The following SECISBP2 variants were observed in gnomAD, a reference collection of about 807,000 sequenced individuals.
SECISBP2 encodes selenocysteine insertion sequence-binding protein 2.
A neutral mutation model predicts 98.2 loss-of-function variants in SECISBP2; 96 were observed. The ratio of observed to expected loss-of-function variants is 0.98; its 90% CI spans 0.83 to 1.16. SECISBP2 has a LOEUF of 1.16. SECISBP2 is among the 50% of genes most tolerant of loss of function. The pLI, the probability that SECISBP2 is intolerant of heterozygous loss-of-function variation, is 0.00. For missense variants in SECISBP2, 1,046 were observed against 1,022.9 expected, an observed-to-expected ratio of 1.02 and a Z score of -0.31; for synonymous variants, 407 against 370.2, an observed-to-expected ratio of 1.10 and a Z score of -1.14.
rs62638731 is a variant in SECISBP2, at chr9:89,358,046, G to T, written c.2316G>T (p.Ala772=). 1.2e-6 allele frequency: 2 copies of T among 1,613,610 alleles called. No homozygotes were observed. The highest frequency in any genetic ancestry group is 1.1e-5 in the South Asian group (1 of 90,982). Residue 772 remains alanine, a synonymous_variant, in exon 16 of 17, where the codon GCG becomes GCT. Transcript: ENST00000375807. Reference sequence around the variant, plus strand: ...AGCTGACAGTGGCGGCCCGACAGGCGTACAAGACCATGCTGGAGAATGTGC... The same window carrying T: ...AGCTGACAGTGGCGGCCCGACAGGCTTACAAGACCATGCTGGAGAATGTGC... The part of the protein sequence containing the change: ...MVELTVAARQ[A]YKTMLENVQQ...
In SECISBP2 at chr9:89,328,745, A is replaced by C. The variant is rs1394205814; in HGVS notation, c.660A>C (p.Thr220=). 1 of 1,614,216 alleles carries C rather than the reference A, an allele frequency of 6.2e-7. No individual in the cohort carries two copies. Among genetic ancestry groups the C allele is most frequent in the South Asian group, 1.1e-5 (1 of 91,084 alleles). ...STSKPEFEFT[T]LDFPELQGAE... The stretch of plus-strand genomic sequence containing the variant: ...CCAAACCTGAGTTTGAATTTACCAC[A>C]CTGGACTTTCCTGAACTGCAAGGTG... The change falls in exon 5 of 17, where the codon ACA becomes ACC. Residue 220 remains threonine, a synonymous_variant. Transcript: ENST00000375807.
At chr9:89,318,637 G>C (rs1369015676) in intron 1 of SECISBP2, 25 bp downstream of exon 1, 15 of 1,414,894 alleles carry the variant, frequency 1.1e-5, no homozygotes, top group Non-Finnish European at 1.3e-5. Flanking sequence ...GGGCTCTCTC[G>C]GCAGCCTCAG....
At chr9:89,326,996 A>G (rs1020545522) in intron 4 of SECISBP2, among the ~76,000 whole-genome samples, 3 of 152,138 alleles carry the variant, frequency 2.0e-5, no homozygotes, top group Non-Finnish European at 4.4e-5. Context: ...CCCCGTCTCA[A>G]CTGAAAATAC....
chr9:89,337,192 A>T (rs930562056), intron 7 of SECISBP2, among the ~76,000 whole-genome samples: 3 of 152,208 alleles, frequency 2.0e-5, no homozygotes, highest in African/African-American at 7.2e-5. Context: ...GATCTTTTTT[A>T]AAAATTTTCT....
chr9:89,349,138 CTA>C (rs1464313689), intron 12 of SECISBP2, among the ~76,000 whole-genome samples: 1 of 152,206 alleles, frequency 6.6e-6, no homozygotes, highest in Non-Finnish European at 1.5e-5. Flanking sequence ...CCACGGGGCA[CTA>C]TGTTTTTCAA....
chr9:89,331,656 A>G (rs1827776715), intron 5 of SECISBP2, among the ~76,000 whole-genome samples: 1 of 152,224 alleles, frequency 6.6e-6, no homozygotes, highest in Non-Finnish European at 1.5e-5. Flanking sequence ...CACAGGGCAT[A>G]CATTGCAGGC....
chr9:89,341,567 T>G, intron 10 of SECISBP2, 88 bp downstream of exon 10: 1 of 1,482,758 alleles, frequency 6.7e-7, no homozygotes, highest in South Asian at 1.1e-5. Flanking sequence ...TTATCAAAAG[T>G]TATTTATAGA....
At chr9:89,364,048 G>GGACC, downstream of SECISBP2, 1 of 1,605,420 alleles carries the variant, frequency 6.2e-7, no homozygotes, top group Non-Finnish European at 8.5e-7. Flanking sequence ...TGTCCCAGTT[G>GGACC]GACCTGAAGT....
At chr9:89,353,072 A>G (rs1224089459) in intron 14 of SECISBP2, among the ~76,000 whole-genome samples, 2 of 152,174 alleles carry the variant, frequency 1.3e-5, no homozygotes. Context: ...GCTGCTGTTC[A>G]AGGCTGTGAG....
At chr9:89,327,765 C>T (rs1348964937) in intron 4 of SECISBP2, among the ~76,000 whole-genome samples, 2 of 151,968 alleles carry the variant, frequency 1.3e-5, no homozygotes, top group East Asian at 1.9e-4. Flanking sequence ...TCCTGAGGGA[C>T]CTGCCTGAAG....
chr9:89,328,825 C>G lies in SECISBP2; in HGVS notation c.740C>G (p.Ser247Cys). ...CAACCCAAGTGGGGACCTGTCCACT[C>G]TGTCTCTACCGACATTTCTCTTCTA... ...QKQPKWGPVH[S>C]VSTDISLLRE... Residue 247 changes from serine (S) to cysteine (C), a missense_variant, in exon 5 of 17, where the codon TCT (serine) becomes TGT (cysteine). Physicochemically the swap from Ser to Cys is moderately radical, Grantham distance 112 (BLOSUM62 -1). Transcript: ENST00000375807. 1 of 1,614,220 alleles carries G rather than the reference C, an allele frequency of 6.2e-7. No homozygotes were observed. The highest frequency in any genetic ancestry group is 8.5e-7 in the Non-Finnish European group (1 of 1,180,018).
downstream of SECISBP2, chr9:89,363,434 G>T (rs772816288): frequency 2.3e-5 from 37 of 1,612,732 alleles, no homozygotes; most frequent in South Asian, 2.5e-4. Flanking sequence ...ACTTACCCAC[G>T]CCTTCCTCCA....
chr9:89,360,325 G>GGTAA (rs1179848139), downstream of SECISBP2, among the ~76,000 whole-genome samples: 1 of 152,024 alleles, frequency 6.6e-6, no homozygotes, highest in East Asian at 1.9e-4. Context: ...AGCAAGTTGT[G>GGTAA]GTAAGTTTGA....
chr9:89,355,513 T>C, intron 14 of SECISBP2: 1 of 967,266 alleles, frequency 1.0e-6, no homozygotes, highest in Non-Finnish European at 1.2e-6. Context: ...TCTTTTAGAT[T>C]GATTTGTACC....
intron 5 of SECISBP2, among the ~76,000 whole-genome samples, chr9:89,331,879 C>T (rs1042726451): frequency 4.0e-5 from 6 of 151,816 alleles, no homozygotes; most frequent in African/African-American, 9.7e-5. Flanking sequence ...TATGGGAATC[C>T]GTATAAAAAT....
intron 14 of SECISBP2, 145 bp from the exon 15 acceptor site, chr9:89,357,266 T>C (rs923699449): frequency 1.4e-5 from 12 of 855,164 alleles, no homozygotes; most frequent in Non-Finnish European, 1.4e-5. Flanking sequence ...TGCAACTTGC[T>C]TTCTCCTTGT....
rs747162472 is a variant in SECISBP2 at position 89,325,890 on chromosome 9, C to A, written c.433-7C>A. The A allele has an allele frequency of 9.9e-5, 160 of 1,613,298 alleles. 2 individuals carry two copies. In the South Asian group the frequency reaches 1.7e-3, roughly 17 times the overall value. Reference sequence around the variant, plus strand: ...TATTTCATGTTGCTTTTTAATCTTTCCTGCAGAAGAAAACCTATGATGAGA... The same window carrying A: ...TATTTCATGTTGCTTTTTAATCTTTACTGCAGAAGAAAACCTATGATGAGA... On this transcript the variant is annotated splice_region_variant and splice_polypyrimidine_tract_variant and intron_variant, in intron 3 of 16. Transcript: ENST00000375807.
intron 10 of SECISBP2, among the ~76,000 whole-genome samples, chr9:89,345,316 G>A (rs955842709): frequency 2.0e-5 from 3 of 152,126 alleles, no homozygotes; most frequent in Non-Finnish European, 2.9e-5. Flanking sequence ...GAATGACCAC[G>A]CTTTGAATTC....
Position 89,341,375 on chromosome 9 carries a change from GC to G in SECISBP2, c.1333del (p.Gln445SerfsTer12). ...QDNFKNNVKK[S>X]QLPVQLDLGG... ...AATTTTAAAAATAATGTAAAGAAGA[GC>G]CAGCTTCCAGTGCAGTTGGACTTGG... is the stretch of plus-strand genomic sequence containing the variant. On this transcript the variant is annotated frameshift_variant, in exon 10 of 17. Coordinates refer to ENST00000375807, the MANE Select transcript of SECISBP2 (RefSeq NM_024077.5). LOFTEE classifies it high-confidence loss of function. 1 of 1,613,732 alleles carries G rather than the reference GC, an allele frequency of 6.2e-7. No individual in the cohort carries two copies. Among genetic ancestry groups the G allele is most frequent in the Non-Finnish European group, 8.5e-7 (1 of 1,179,720 alleles).
Sources: allele counts gnomAD v4.1 joint callset (sites outside exome capture counted in the v4.1 genomes callset), GRCh38; gene constraint gnomAD v4.1.1; transcripts MANE v1.5; gene names NCBI Gene and HGNC (gene_info 2026-07-23, HGNC 2026-07-21).